RAD51: variants seen among roughly 807,000 people sequenced by gnomAD.
RAD51 encodes DNA repair protein RAD51 homolog 1.
In RAD51, 14 loss-of-function variants were observed where a neutral mutation model predicts 41.5. The observed-to-expected ratio is 0.34, with a 90% CI of 0.22 to 0.53. The LOEUF (loss-of-function observed/expected upper bound fraction) is 0.53, where lower values mean the gene tolerates loss of function less well. RAD51 is among the 20% of genes least tolerant of loss of function. RAD51 has a pLI of 0.95. For synonymous variants in RAD51, 136 were observed against 148.6 expected (o/e 0.92, Z 0.62); for missense variants, 234 against 422.0 (o/e 0.55, Z 3.90).
chr15:40,706,099 A>G, intron 3 of RAD51, 78 bp from the exon 4 acceptor site: 1 of 994,120 alleles, frequency 1.0e-6, no homozygotes, highest in Non-Finnish European at 1.6e-6. Flanking sequence ...TTTTTTCTTT[A>G]TATATATTTT....
At chr15:40,716,081 C>T (rs935229159) in intron 5 of RAD51, among the ~76,000 whole-genome samples, 4 of 152,176 alleles carry the variant, frequency 2.6e-5, no homozygotes, top group Non-Finnish European at 5.9e-5. Flanking sequence ...CAAAGCCTTC[C>T]GTAACTGTAT....
At position 40,730,483 on chromosome 15, in the gene RAD51, CA is replaced by C. The variant is rs147752420; in HGVS notation, c.896+513del. Among the ~76,000 whole-genome samples the C allele has an allele frequency of 9.5e-3, 1,405 of 148,500 alleles. 23 individuals are homozygous for C. Among genetic ancestry groups the C allele is most frequent in the African/African-American group, 0.033 (1,347 of 40,394 alleles). On this transcript the variant is annotated intron_variant, in intron 9 of 9. Transcript: ENST00000267868. ...CACACATCACTGCACTCCAGCCTGGCAAAAGAGCAGGACACTGTCTTGAAAA... is the reference window on the plus strand; with the variant it reads ...CACACATCACTGCACTCCAGCCTGGCAAAGAGCAGGACACTGTCTTGAAAA...
chr15:40,724,684 T>A, intron 6 of RAD51, among the ~76,000 whole-genome samples: 1 of 119,422 alleles, frequency 8.4e-6, no homozygotes, highest in Admixed American at 8.6e-5. Flanking sequence ...CTTTTTTTTT[T>A]TTTTTTTTTT....
At chr15:40,701,042 C>T (rs761214540) in intron 2 of RAD51, 22 bp from the exon 3 acceptor site, 2 of 1,599,314 alleles carry the variant, frequency 1.3e-6, no homozygotes, top group African/African-American at 1.3e-5. Context: ...TTAAATTTAT[C>T]CATGGTTTTC....
Position 40,731,599 on chromosome 15 carries a change from G to C in RAD51, c.*421G>C, listed in dbSNP as rs879036374. ...CTCAGCTATGTAGCAAAGGGAATGG[G>C]TCTGCACAGATTCTTTTTTTCTGTC... On this transcript the variant is annotated 3_prime_UTR_variant, in exon 10 of 10. Coordinates refer to ENST00000267868, the MANE Select transcript of RAD51 (RefSeq NM_002875.5). 2 of 260,154 alleles carry C rather than the reference G, an allele frequency of 7.7e-6. No individual in the cohort carries two copies. Among genetic ancestry groups the C allele is most frequent in the Non-Finnish European group, 1.5e-5 (2 of 133,070 alleles). The allele number at this position is 260,154 out of a possible 1,614,324, so 16.1% of individuals were successfully genotyped here. A position where few individuals can be genotyped will look rare whatever the true frequency, so the allele number is the denominator to read the frequency against.
chr15:40,711,166 G>A (rs372668246), intron 5 of RAD51, among the ~76,000 whole-genome samples: 8 of 152,160 alleles, frequency 5.3e-5, no homozygotes, highest in African/African-American at 1.9e-4. Context: ...AAGCCAAAGT[G>A]GGAGGATTGC....
intron 3 of RAD51, among the ~76,000 whole-genome samples, chr15:40,702,706 C>T (rs1207305670): frequency 2.0e-5 from 3 of 151,846 alleles, no homozygotes; most frequent in Non-Finnish European, 4.4e-5. Flanking sequence ...TCAGTTGAGA[C>T]GGGGTTTCAC....
At chr15:40,709,457 A>G (rs1895554458) in intron 5 of RAD51, among the ~76,000 whole-genome samples, 1 of 147,592 alleles carries the variant, frequency 6.8e-6, no homozygotes, top group Non-Finnish European at 1.5e-5. Flanking sequence ...GCTCACTGCA[A>G]CCTCCTCTCT....
intron 6 of RAD51, among the ~76,000 whole-genome samples, chr15:40,725,892 A>G (rs1896553864): frequency 6.6e-6 from 1 of 152,114 alleles, no homozygotes; most frequent in Non-Finnish European, 1.5e-5. Context: ...AGGCTGAGGC[A>G]GGAGAATCAC....
At chr15:40,713,908 CTGCCATATG>C (rs1895850555) in intron 5 of RAD51, among the ~76,000 whole-genome samples, 1 of 151,628 alleles carries the variant, frequency 6.6e-6, no homozygotes, top group African/African-American at 2.4e-5. Flanking sequence ...GCCTGGCTGG[CTGCCATATG>C]TCTTATGAGA....
At chr15:40,700,878 T>C (rs1408637738) in intron 2 of RAD51, among the ~76,000 whole-genome samples, 186 bp from the exon 3 acceptor site, 2 of 152,206 alleles carry the variant, frequency 1.3e-5, no homozygotes. Context: ...TGAGCATTGT[T>C]GGATTTTGTT....
chr15:40,730,007 G>A (rs202233515), intron 9 of RAD51, 33 bp downstream of exon 9: 30 of 1,610,068 alleles, frequency 1.9e-5, no homozygotes, highest in East Asian at 1.3e-4. Flanking sequence ...TCTTCTTTTC[G>A]GAATGTCATA....
chr15:40,720,062 C>G (rs547346694), intron 6 of RAD51, among the ~76,000 whole-genome samples: 2 of 152,022 alleles, frequency 1.3e-5, no homozygotes, highest in African/African-American at 4.8e-5. Context: ...ATTTCACTCT[C>G]AATAATGAAT....
At chr15:40,699,467 T>G (rs1260885392) in intron 2 of RAD51, among the ~76,000 whole-genome samples, 1 of 152,212 alleles carries the variant, frequency 6.6e-6, no homozygotes, top group Admixed American at 6.5e-5. Flanking sequence ...GTTTGTTTTT[T>G]AAGAAATGGG....
intron 6 of RAD51, among the ~76,000 whole-genome samples, chr15:40,724,704 G>A (rs1896470272): frequency 1.1e-5 from 1 of 94,718 alleles, no homozygotes; most frequent in Admixed American, 1.6e-4. Flanking sequence ...TTTTGAGACA[G>A]AGTCTCGCTC....
In RAD51 at chr15:40,729,673, G is replaced by A. The variant is rs947341014; in HGVS notation, c.774+39G>A. 8.7e-6 allele frequency: 14 copies of A among 1,612,918 alleles called. No individual in the cohort carries two copies. The Admixed American group carries it at 1.5e-4, about 17-fold the overall frequency. Reference sequence around the variant, plus strand: ...TAGGGACAGAGAATGCCTACTTTCAGTGGCTGTGAATTCCAGGAGCCTTGC... The same window carrying A: ...TAGGGACAGAGAATGCCTACTTTCAATGGCTGTGAATTCCAGGAGCCTTGC... On this transcript the variant is annotated intron_variant, in intron 8 of 9. Transcript: ENST00000267868.
intron 5 of RAD51, 64 bp downstream of exon 5, chr15:40,709,180 G>C: frequency 7.1e-7 from 1 of 1,402,898 alleles, no homozygotes. Context: ...CTATTTGCAA[G>C]CATCTGTTAG....
chr15:40,698,240 G>A (rs1236727493), intron 1 of RAD51, among the ~76,000 whole-genome samples: 1 of 151,012 alleles, frequency 6.6e-6, no homozygotes, highest in African/African-American at 2.4e-5. Flanking sequence ...TGAGGCTGGA[G>A]TACAGTGGCA....
At chr15:40,706,488 G>A (rs1339626362) in intron 4 of RAD51, among the ~76,000 whole-genome samples, 194 bp downstream of exon 4, 1 of 152,214 alleles carries the variant, frequency 6.6e-6, no homozygotes, top group Non-Finnish European at 1.5e-5. Context: ...CCTGAGGCTG[G>A]GAGTTCGAGA....
Sources: allele counts gnomAD v4.1 joint callset (sites outside exome capture counted in the v4.1 genomes callset), GRCh38; gene constraint gnomAD v4.1.1; transcripts MANE v1.5; gene names NCBI Gene and HGNC (gene_info 2026-07-23, HGNC 2026-07-21).